FSHR: variants seen among roughly 807,000 people sequenced by gnomAD.
FSHR encodes the protein follicle stimulating hormone receptor, also known as follicle-stimulating hormone receptor.
Under a neutral mutation model 52.1 loss-of-function variants are expected in FSHR, and 46 were observed. The ratio of observed to expected loss-of-function variants is 0.88; its 90% confidence interval spans 0.70 to 1.13. The LOEUF is 1.13. Ranked by LOEUF, FSHR falls within the 50% of genes most tolerant of loss-of-function variation. FSHR has a pLI of 0.00. For missense variants in FSHR, 964 were observed against 834.6 expected, an observed-to-expected ratio of 1.16 and a Z score of -1.91; for synonymous variants, 399 against 309.6, an observed-to-expected ratio of 1.29 and a Z score of -3.03.
At chr2:49,009,458 T>C (rs920954482) in intron 4 of FSHR, among the ~76,000 whole-genome samples, 2 of 149,048 alleles carry the variant, frequency 1.3e-5, no homozygotes, top group African/African-American at 4.9e-5. Context: ...AGTCAGGTAG[T>C]GTGATGCCTC....
At chr2:49,104,445 C>T (rs1202101900) in intron 1 of FSHR, among the ~76,000 whole-genome samples, 2 of 152,086 alleles carry the variant, frequency 1.3e-5, no homozygotes, top group Non-Finnish European at 2.9e-5. Flanking sequence ...GTTCGGAGAG[C>T]CATTCTGTTT....
intron 1 of FSHR, among the ~76,000 whole-genome samples, chr2:49,077,558 T>TA (rs1669994096): frequency 6.6e-6 from 1 of 152,212 alleles, no homozygotes; most frequent in South Asian, 2.1e-4. Context: ...GCTTGTTACT[T>TA]ACGCAAATTT....
intron 5 of FSHR, among the ~76,000 whole-genome samples, chr2:48,990,200 A>C (rs1675705207): frequency 6.6e-6 from 1 of 152,158 alleles, no homozygotes; most frequent in Non-Finnish European, 1.5e-5. Context: ...CTTTGTGCCC[A>C]GGGCAGCATA....
rs868807707 is a variant in FSHR at position 49,066,882 on chromosome 2, T to C, written c.224+1337A>G. 3.0e-4 allele frequency among the ~76,000 whole-genome samples: 45 copies of C among 152,232 alleles called. No individual in the cohort carries two copies. In the South Asian group the frequency reaches 3.3e-3, roughly 11 times the overall value. On this transcript the variant is annotated intron_variant, in intron 2 of 9. Transcript: ENST00000406846. ...GGATATCCAGTAGTCATTTAGTCTA[T>C]GTTAGCTCCAGGCAAGGGAATCGCG...
intron 2 of FSHR, among the ~76,000 whole-genome samples, chr2:49,063,674 A>G (rs957465992): frequency 2.0e-5 from 3 of 152,138 alleles, no homozygotes; most frequent in Admixed American, 2.0e-4. Flanking sequence ...AGGGAAGTCT[A>G]TGTGGGAGAG....
Position 49,088,935 on chromosome 2 carries a change from C to A in FSHR, c.153-20645G>T, listed in dbSNP as rs999769836. ...CACACATTTAATCAGAAAACATATG[C>A]ATTGAGTAATTATATTTTACTGACT... On this transcript the variant is annotated intron_variant, in intron 1 of 9. Coordinates refer to ENST00000406846, the MANE Select transcript of FSHR (RefSeq NM_000145.4). Among the ~76,000 whole-genome samples, 24 of 152,038 alleles carry A rather than the reference C, an allele frequency of 1.6e-4. 1 individual carries two copies. The highest frequency in any genetic ancestry group is 5.6e-4 in the African/African-American group (23 of 41,394).
At chr2:49,108,213 G>A (rs1036196879) in intron 1 of FSHR, among the ~76,000 whole-genome samples, 27 of 152,006 alleles carry the variant, frequency 1.8e-4, no homozygotes, top group African/African-American at 5.1e-4. Context: ...TTACACCATC[G>A]AATCCCCTGC....
rs1404003524 is a variant in FSHR, at chr2:48,962,674, C to T, written c.*59G>A. 6 of 1,526,068 alleles carry T rather than the reference C, an allele frequency of 3.9e-6. No homozygotes were observed. Among genetic ancestry groups the T allele is most frequent in the South Asian group, 1.1e-5 (1 of 88,914 alleles). 94.5% of individuals were successfully genotyped at this position (1,526,068 alleles called of 1,614,324 possible). The stretch of plus-strand genomic sequence containing the variant: ...AGCACTGTCAGCTCTTTGTGACATA[C>T]CCTTCAAAGGCAAGACTGAATTATC... On this transcript the variant is annotated 3_prime_UTR_variant, in exon 10 of 10. Coordinates refer to ENST00000406846, the MANE Select transcript of FSHR (RefSeq NM_000145.4).
At chr2:49,091,909 C>CA (rs1416882078) in intron 1 of FSHR, among the ~76,000 whole-genome samples, 2 of 152,126 alleles carry the variant, frequency 1.3e-5, no homozygotes, top group Non-Finnish European at 2.9e-5. Context: ...TCTGTATCTA[C>CA]AAAAAATCCT....
chr2:48,995,906 G>C (rs1676005843), intron 4 of FSHR, among the ~76,000 whole-genome samples: 1 of 152,090 alleles, frequency 6.6e-6, no homozygotes, highest in Admixed American at 6.6e-5. Context: ...TCGATTCTGA[G>C]ACTGTGTGAA....
chr2:49,050,488 T>C (rs1222336676), intron 2 of FSHR, among the ~76,000 whole-genome samples: 1 of 152,188 alleles, frequency 6.6e-6, no homozygotes, highest in Non-Finnish European at 1.5e-5. Context: ...ATAGCTTTAA[T>C]TTTCCTGTCA....
intron 1 of FSHR, among the ~76,000 whole-genome samples, chr2:49,100,294 A>G (rs768227430): frequency 4.5e-4 from 69 of 152,210 alleles, no homozygotes; most frequent in Non-Finnish European, 9.0e-4. Context: ...TGTAAGTGTG[A>G]ACTGGTACCA....
intron 2 of FSHR, among the ~76,000 whole-genome samples, chr2:49,067,080 T>C (rs886176570): frequency 3.3e-5 from 5 of 151,996 alleles, no homozygotes; most frequent in African/African-American, 1.2e-4. Flanking sequence ...AACATGGAGA[T>C]AGAAATTGGA....
chr2:49,082,324 T>A (rs1456999846), intron 1 of FSHR, among the ~76,000 whole-genome samples: 1 of 152,012 alleles, frequency 6.6e-6, no homozygotes, highest in African/African-American at 2.4e-5. Context: ...AGAAAGGACA[T>A]CCACATCAAA....
At position 49,033,691 on chromosome 2, in the gene FSHR, T is replaced by TC. The variant is rs533991719; in HGVS notation, c.225-13532dup. Reference sequence around the variant, plus strand: ...CCCTGGGCCCCTTTGAGAGCCCTCCTCCCCCCTGTTCCCTATACTAGTCTC... The same window carrying TC: ...CCCTGGGCCCCTTTGAGAGCCCTCCTCCCCCCCTGTTCCCTATACTAGTCTC... On this transcript the variant is annotated intron_variant, in intron 2 of 9. Coordinates refer to ENST00000406846, the MANE Select transcript of FSHR (RefSeq NM_000145.4). 8.2e-4 allele frequency among the ~76,000 whole-genome samples: 125 copies of TC among 151,872 alleles called. 6 individuals carry two copies. In the South Asian group the frequency reaches 0.026, roughly 31 times the overall value.
intron 4 of FSHR, among the ~76,000 whole-genome samples, chr2:49,012,378 T>C (rs1210476315): frequency 6.6e-6 from 1 of 152,184 alleles, no homozygotes; most frequent in African/African-American, 2.4e-5. Flanking sequence ...TGATGCATAT[T>C]CTTCAAGTTA....
chr2:49,015,552 T>C (rs1572636203), intron 4 of FSHR, among the ~76,000 whole-genome samples: 2 of 152,196 alleles, frequency 1.3e-5, no homozygotes, highest in Non-Finnish European at 2.9e-5. Flanking sequence ...TTCTCAACTA[T>C]TGAATGATGG....
At chr2:49,057,451 C>A (rs1379389088) in intron 2 of FSHR, among the ~76,000 whole-genome samples, 1 of 151,934 alleles carries the variant, frequency 6.6e-6, no homozygotes, top group Non-Finnish European at 1.5e-5. Flanking sequence ...AAGTCCTAGA[C>A]AAATACAACC....
At chr2:49,073,313 A>G (rs1334039655) in intron 1 of FSHR, among the ~76,000 whole-genome samples, 1 of 152,074 alleles carries the variant, frequency 6.6e-6, no homozygotes, top group African/African-American at 2.4e-5. Flanking sequence ...GAAGAACCTA[A>G]AGACTCTACC....
Sources: gnomAD v4.1 joint callset for allele counts (sites outside exome capture counted in the v4.1 genomes callset) on GRCh38, gnomAD v4.1.1 for gene constraint, MANE v1.5 for transcripts, NCBI Gene and HGNC (gene_info 2026-07-23, HGNC 2026-07-21) for gene names.